BAHCC1: variants seen among roughly 807,000 people sequenced by gnomAD.
BAHCC1 encodes BAH and coiled-coil domain-containing protein 1.
In BAHCC1, 43 loss-of-function variants were observed where a neutral mutation model predicts 88.2. The ratio of observed to expected loss-of-function variants is 0.49; its 90% CI spans 0.38 to 0.63. The LOEUF is 0.63. BAHCC1 is among the 20% of genes least tolerant of loss of function. The pLI is 0.00. For synonymous variants in BAHCC1, 1,510 were observed against 745.5 expected, an observed-to-expected ratio of 2.03 and a Z score of -16.71; for missense variants, 3,023 against 1,654.8, an observed-to-expected ratio of 1.83 and a Z score of -14.34.
In BAHCC1 at chr17:81,441,093, G is replaced by A. The variant is rs188128372; in HGVS notation, c.482-738G>A. 7.9e-5 allele frequency among the ~76,000 whole-genome samples: 12 copies of A among 152,232 alleles called. No homozygotes were observed. In the East Asian group the frequency reaches 1.2e-3, roughly 15 times the overall value. ...CCCCCGAAAATCCACTGCCTGCCCC[G>A]CGTCCCCCGAAAATCCCCACTGGCA... On this transcript the variant is annotated intron_variant, in intron 4 of 27. Coordinates refer to ENST00000675386, the MANE Select transcript of BAHCC1 (RefSeq NM_001377448.1).
chr17:81,459,344 G>C lies in BAHCC1; in HGVS notation c.5796+16G>C. 1.3e-6 allele frequency: 1 copy of C among 775,168 alleles called. No homozygotes were observed. Among genetic ancestry groups the C allele is most frequent in the Middle Eastern group, 2.3e-4 (1 of 4,408 alleles). The allele number at this position is 775,168 out of a possible 1,614,324, so 48.0% of individuals were successfully genotyped here. ...GCAGGAAGCGGTGAGGACCGGGCCG[G>C]CCCGCCCCGGGGAGGGGCCTGGCTG... On this transcript the variant is annotated intron_variant, in intron 22 of 27. Transcript: ENST00000675386.
intron 14 of BAHCC1, among the ~76,000 whole-genome samples, chr17:81,453,719 T>A (rs1429847461): frequency 6.6e-6 from 1 of 151,368 alleles, no homozygotes; most frequent in Non-Finnish European, 1.5e-5. Context: ...GAAACCAGGA[T>A]CTGGCTAGAA....
chr17:81,414,529 G>A (rs551624033), intron 2 of BAHCC1, among the ~76,000 whole-genome samples: 1 of 152,320 alleles, frequency 6.6e-6, no homozygotes, highest in Non-Finnish European at 1.5e-5. Flanking sequence ...CCATCCCAGA[G>A]GTCCCTGCCT....
Position 81,465,054 on chromosome 17 carries a change from A to G in BAHCC1, c.*1237A>G, listed in dbSNP as rs1251521546. On this transcript the variant is annotated 3_prime_UTR_variant, in exon 28 of 28. Transcript: ENST00000675386. ...GCAAAAGACACCCCTTTTCCCACCC[A>G]CCTTATTGGTGCCCCCAAACCCCTG... 6.6e-6 allele frequency: 1 copy of G among 151,850 alleles called. No homozygotes were observed. The allele number at this position is 151,850 out of a possible 1,614,324, so 9.4% of individuals were successfully genotyped here.
chr17:81,430,338 A>G (rs1212298795), intron 3 of BAHCC1, among the ~76,000 whole-genome samples: 3 of 151,890 alleles, frequency 2.0e-5, no homozygotes, highest in African/African-American at 7.2e-5. Flanking sequence ...CACTGAGGCC[A>G]CTCGTGGTCT....
At chr17:81,445,829 T>C in intron 10 of BAHCC1, 148 bp downstream of exon 10, 1 of 597,204 alleles carries the variant, frequency 1.7e-6, no homozygotes, top group South Asian at 2.0e-5. Flanking sequence ...CCTTCCTCTC[T>C]CTTCCCTCTT....
In BAHCC1 at chr17:81,399,852, A is replaced by C; in HGVS notation, c.113A>C (p.Gln38Pro). 7.2e-7 allele frequency: 1 copy of C among 1,392,164 alleles called. No individual in the cohort carries two copies. Among genetic ancestry groups the C allele is most frequent in the Non-Finnish European group, 9.3e-7 (1 of 1,069,808 alleles). 86.2% of individuals were successfully genotyped at this position (1,392,164 alleles called of 1,614,324 possible). ...ARLAPAGPAAQPPAHFQPGKY... is the reference protein window; with the variant it reads ...ARLAPAGPAAPPPAHFQPGKY... ...CTCGCCCCGGCTGGGCCCGCCGCGC[A>C]GCCCCCCGCACACTTCCAGCCGGGA... The change falls in exon 2 of 28, where the codon CAG (glutamine) becomes CCG (proline). Residue 38 changes from glutamine to proline, a missense_variant. Transcript: ENST00000675386. The surrounding 1 kb of genome is among the most constrained non-coding windows in gnomAD (Gnocchi z 4.5).
intron 2 of BAHCC1, among the ~76,000 whole-genome samples, chr17:81,417,153 G>C (rs117279920): frequency 6.6e-6 from 1 of 152,186 alleles, no homozygotes; most frequent in Non-Finnish European, 1.5e-5. Flanking sequence ...TGGGGTGTGC[G>C]TGCGTGTGCC....
intron 2 of BAHCC1, chr17:81,421,972 G>T (rs1555649640): frequency 9.7e-6 from 4 of 413,878 alleles, no homozygotes; most frequent in Non-Finnish European, 1.9e-5. Flanking sequence ...TCATGCGAGG[G>T]CCTCAGGGCC....
chr17:81,413,109 A>G (rs1482773662), intron 2 of BAHCC1: 2 of 445,826 alleles, frequency 4.5e-6, no homozygotes, highest in African/African-American at 4.0e-5. Flanking sequence ...CAGGGTTATC[A>G]GGGCCTTCTC....
chr17:81,445,997 C>A (rs927610512), intron 10 of BAHCC1, among the ~76,000 whole-genome samples: 1 of 152,206 alleles, frequency 6.6e-6, no homozygotes, highest in African/African-American at 2.4e-5. Flanking sequence ...GGTACTGGCA[C>A]CCTGGGGGCA....
chr17:81,440,832 A>AT (rs1555652382), intron 4 of BAHCC1, among the ~76,000 whole-genome samples: 1 of 151,974 alleles, frequency 6.6e-6, no homozygotes, highest in African/African-American at 2.4e-5. Context: ...ATTTCAACAT[A>AT]TTACCCTAGC....
chr17:81,419,734 G>A (rs2064091529), intron 2 of BAHCC1, among the ~76,000 whole-genome samples: 1 of 152,022 alleles, frequency 6.6e-6, no homozygotes, highest in Admixed American at 6.5e-5. Flanking sequence ...GCGGGAGCCG[G>A]GAGCCTGGGA....
At chr17:81,428,188 C>T (rs1235456277) in intron 3 of BAHCC1, among the ~76,000 whole-genome samples, 2 of 152,172 alleles carry the variant, frequency 1.3e-5, no homozygotes, top group Non-Finnish European at 2.9e-5. Flanking sequence ...CTAGCGGCCT[C>T]CTGGAGGGGA....
chr17:81,458,543 C>A (rs545150671), intron 18 of BAHCC1, 77 bp downstream of exon 18: 354 of 679,320 alleles, frequency 5.2e-4, no homozygotes, highest in Non-Finnish European at 7.7e-4. Context: ...CTCCCCCGCA[C>A]GCTGGCCCCT....
chr17:81,419,160 T>C (rs532386723), intron 2 of BAHCC1, among the ~76,000 whole-genome samples: 1 of 152,306 alleles, frequency 6.6e-6, no homozygotes, highest in South Asian at 2.1e-4. Context: ...GGGTGGCATG[T>C]GGCTGGGCCT....
Position 81,447,145 on chromosome 17 carries a change from G to C in BAHCC1, c.3273G>C (p.Pro1091=), listed in dbSNP as rs782733557. 1 of 778,116 alleles carries C rather than the reference G, an allele frequency of 1.3e-6. No individual in the cohort carries two copies. Among genetic ancestry groups the C allele is most frequent in the Non-Finnish European group, 2.4e-6 (1 of 417,448 alleles). 48.2% of individuals were successfully genotyped at this position (778,116 alleles called of 1,614,324 possible). The change falls in exon 11 of 28, where the codon CCG becomes CCC. Residue 1091 remains proline, a synonymous_variant. Coordinates refer to ENST00000675386, the MANE Select transcript of BAHCC1 (RefSeq NM_001377448.1). ...EDPETMQTTA[P]GAQPEPTRTF... ...CTGAAACTATGCAAACCACCGCCCCGGGGGCCCAGCCTGAGCCCACAAGGA... is the reference window on the plus strand; with the variant it reads ...CTGAAACTATGCAAACCACCGCCCCCGGGGCCCAGCCTGAGCCCACAAGGA...
At chr17:81,400,875 C>T (rs2063807364) in intron 2 of BAHCC1, 1 of 154,142 alleles carries the variant, frequency 6.5e-6, no homozygotes, top group African/African-American at 2.4e-5. Flanking sequence ...CGCCTGAAGC[C>T]CTAGAGGTCA....
intron 13 of BAHCC1, 90 bp from the exon 14 acceptor site, chr17:81,452,633 T>C (rs914115589): frequency 1.6e-4 from 93 of 585,946 alleles, no homozygotes; most frequent in Admixed American, 3.1e-4. Flanking sequence ...CCACACCCAG[T>C]AGCCCTCGAA....
Sources: allele counts gnomAD v4.1 joint callset (sites outside exome capture counted in the v4.1 genomes callset), GRCh38; gene constraint gnomAD v4.1.1; non-coding constraint Gnocchi (gnomAD v3.1); transcripts MANE v1.5; gene names NCBI Gene and HGNC (gene_info 2026-07-23, HGNC 2026-07-21).